CELF2: variants seen among roughly 807,000 people sequenced by gnomAD.
CELF2 encodes the protein CUGBP Elav-like family member 2.
CELF2 carries 8 observed loss-of-function variants against 62.6 expected under a neutral mutation model. The observed-to-expected ratio is 0.13, with a 90% confidence interval of 0.07 to 0.23. CELF2 has a LOEUF of 0.23. Among genes scored for constraint, CELF2 ranks in the 10% least tolerant of loss-of-function variants. The probability of loss-of-function intolerance (pLI) is 1.00; values close to 1 mark genes in which losing one functional copy is unlikely to be tolerated. For missense variants in CELF2, 333 were observed against 671.0 expected, an observed-to-expected ratio of 0.50 and a Z score of 5.56; for synonymous variants, 258 against 250.0, an observed-to-expected ratio of 1.03 and a Z score of -0.30.
At chr10:11,071,561 A>AT (rs2070022362) in intron 1 of CELF2, 1 of 152,122 alleles carries the variant, frequency 6.6e-6, no homozygotes, top group Non-Finnish European at 1.5e-5. Flanking sequence ...CAAAACCCAG[A>AT]TTTTGGGGCT....
chr10:10,648,852 A>G, the CELF2 span, among the ~76,000 whole-genome samples: 2 of 152,230 alleles, frequency 1.3e-5, no homozygotes, highest in African/African-American at 4.8e-5. Flanking sequence ...CAAAAATATT[A>G]CTATAGCTGC....
Position 11,305,110 on chromosome 10 carries a change from CAGTCTGAT to C in CELF2, c.977-9024_977-9017del. Reference sequence around the variant, plus strand: ...GGATACAGGTCCTTCCCAGTTCTACCAGTCTGATAGTCACCCCTCCTCCCACAGGAAAT... The same window carrying C: ...GGATACAGGTCCTTCCCAGTTCTACCAGTCACCCCTCCTCCCACAGGAAAT... On this transcript the variant is annotated intron_variant, in intron 9 of 12. Coordinates refer to ENST00000633077, the MANE Select transcript of CELF2 (RefSeq NM_001326342.2). The surrounding 1 kb of genome is among the most constrained non-coding windows in gnomAD (Gnocchi z 4.8). Among the ~76,000 whole-genome samples the C allele has an allele frequency of 2.0e-5, 3 of 152,312 alleles. No individual in the cohort carries two copies. The highest frequency in any genetic ancestry group is 2.0e-4 in the Admixed American group (3 of 15,300).
intron 8 of CELF2, among the ~76,000 whole-genome samples, chr10:11,277,029 G>A (rs1460793164): frequency 1.3e-5 from 2 of 152,214 alleles, no homozygotes; most frequent in Non-Finnish European, 1.5e-5. Context: ...GAAATCAAAT[G>A]CTGGACAGGC....
At chr10:10,744,158 C>T in the CELF2 span, among the ~76,000 whole-genome samples, 26 of 152,084 alleles carry the variant, frequency 1.7e-4, no homozygotes, top group Non-Finnish European at 2.9e-4. Flanking sequence ...TATACGAGTG[C>T]CAGTATTGCC....
rs986101875 is a variant in CELF2 at position 11,157,311 on chromosome 10, T to C, written c.75-8175T>C. Among the ~76,000 whole-genome samples the C allele has an allele frequency of 6.6e-6, 1 of 152,128 alleles. No individual in the cohort carries two copies. Among genetic ancestry groups the C allele is most frequent in the African/African-American group, 2.4e-5 (1 of 41,406 alleles). ...TAGAGCCGCCTTTTTCTCCCCAGTT[T>C]TTTGTTTCGTTTCAATGCCATTGCC... On this transcript the variant is annotated intron_variant, in intron 1 of 12. Coordinates refer to ENST00000633077, the MANE Select transcript of CELF2 (RefSeq NM_001326342.2). This position sits in a 1 kb window ranked among gnomAD's most constrained non-coding sequence, Gnocchi z 4.9.
the CELF2 span, among the ~76,000 whole-genome samples, chr10:10,645,095 T>G: frequency 2.0e-5 from 3 of 152,152 alleles, no homozygotes; most frequent in East Asian, 5.8e-4. Context: ...TGAAAGAACA[T>G]GGATGCTTTC....
At chr10:10,802,295 C>T (rs2054750616) in intron 1 of CELF2, among the ~76,000 whole-genome samples, 1 of 151,986 alleles carries the variant, frequency 6.6e-6, no homozygotes, top group African/African-American at 2.4e-5. Flanking sequence ...CATGGTGAAA[C>T]CCTGTCCCTA....
chr10:10,764,078 A>G, the CELF2 span, among the ~76,000 whole-genome samples: 2 of 152,186 alleles, frequency 1.3e-5, no homozygotes, highest in Admixed American at 6.5e-5. Context: ...CTTCTTAGTA[A>G]CAGAGCCACT....
At chr10:11,287,280 T>TACA (rs2091556015) in intron 8 of CELF2, among the ~76,000 whole-genome samples, 1 of 152,082 alleles carries the variant, frequency 6.6e-6, no homozygotes, top group South Asian at 2.1e-4. Flanking sequence ...GAGAGAACCA[T>TACA]TGTTTCATGC....
the CELF2 span, among the ~76,000 whole-genome samples, chr10:10,694,598 T>C: frequency 4.6e-5 from 7 of 152,136 alleles, no homozygotes; most frequent in Admixed American, 1.3e-4. Flanking sequence ...ATCTGTCTAA[T>C]GTTGACAGTG....
chr10:10,794,681 T>C (rs2054037385), upstream of CELF2: 2 of 152,164 alleles, frequency 1.3e-5, no homozygotes, highest in Non-Finnish European at 2.9e-5. Flanking sequence ...CCTTATTAAA[T>C]GGTTGGCTTT....
chr10:10,679,767 A>G, the CELF2 span, among the ~76,000 whole-genome samples: 2 of 152,258 alleles, frequency 1.3e-5, no homozygotes, highest in African/African-American at 2.4e-5. Context: ...CAGTAGATAC[A>G]TGGCACATGG....
chr10:11,166,205 G>A (rs2067122169), intron 2 of CELF2, among the ~76,000 whole-genome samples: 1 of 152,230 alleles, frequency 6.6e-6, no homozygotes, highest in African/African-American at 2.4e-5. Flanking sequence ...ACCCATTCCT[G>A]GGGGTCAGGT....
At chr10:10,478,481 T>C in the CELF2 span, among the ~76,000 whole-genome samples, 8 of 114,772 alleles carry the variant, frequency 7.0e-5, no homozygotes, top group East Asian at 2.0e-3. Context: ...CATTATTACA[T>C]TTAATTTTGT....
At chr10:10,486,702 G>A in the CELF2 span, among the ~76,000 whole-genome samples, 1 of 152,082 alleles carries the variant, frequency 6.6e-6, no homozygotes, top group African/African-American at 2.4e-5. Context: ...TTTGAACTGT[G>A]GAGCATTTTG....
the CELF2 span, among the ~76,000 whole-genome samples, chr10:10,741,099 AG>A: frequency 6.6e-6 from 1 of 152,220 alleles, no homozygotes; most frequent in Non-Finnish European, 1.5e-5. Context: ...ACTAAAAAAA[AG>A]TTAGCTATAA....
chr10:10,900,859 ATAAG>A (rs1376851728), intron 1 of CELF2, among the ~76,000 whole-genome samples: 3 of 152,246 alleles, frequency 2.0e-5, no homozygotes, highest in Admixed American at 6.5e-5. Context: ...ACTAGAACTA[ATAAG>A]TAAGTTTCAC....
At chr10:10,933,086 G>T (rs2066254637) in intron 2 of CELF2, among the ~76,000 whole-genome samples, 1 of 151,706 alleles carries the variant, frequency 6.6e-6, no homozygotes, top group South Asian at 2.1e-4. Context: ...CTTGAGCCCA[G>T]GAGTTCAAGA....
chr10:11,196,305 C>T (rs537820309), intron 2 of CELF2, among the ~76,000 whole-genome samples: 15 of 152,338 alleles, frequency 9.8e-5, no homozygotes, highest in African/African-American at 2.9e-4. Context: ...TGGGTTTTTA[C>T]GCTAAAGAAC....
Sources: gnomAD v4.1 joint callset for allele counts (sites outside exome capture counted in the v4.1 genomes callset) on GRCh38, gnomAD v4.1.1 for gene constraint, Gnocchi (gnomAD v3.1) non-coding constraint, MANE v1.5 for transcripts, NCBI Gene and HGNC (gene_info 2026-07-23, HGNC 2026-07-21) for gene names.